Variants in CCDC18 observed in about 807,000 individuals in gnomAD.
CCDC18 encodes the protein coiled-coil domain containing 18.
Under a neutral mutation model 196.0 loss-of-function variants are expected in CCDC18, and 157 were observed. The ratio of observed to expected loss-of-function variants is 0.80; its 90% CI spans 0.70 to 0.91. The LOEUF is 0.91. Ranked by LOEUF, CCDC18 falls within the 40% of genes least tolerant of loss-of-function variation. The pLI is 0.00. For synonymous variants in CCDC18, 482 were observed against 529.2 expected (o/e 0.91, Z 1.22); for missense variants, 1,465 against 1,611.6 (o/e 0.91, Z 1.56).
chr1:93,218,166 A>G (rs561371265), intron 14 of CCDC18, among the ~76,000 whole-genome samples: 1 of 152,324 alleles, frequency 6.6e-6, no homozygotes, highest in East Asian at 1.9e-4. Flanking sequence ...AAAGCAGAAT[A>G]AGAGAAGCAC....
At chr1:93,255,823 G>C (rs1026133379) in intron 24 of CCDC18, among the ~76,000 whole-genome samples, 2 of 151,394 alleles carry the variant, frequency 1.3e-5, no homozygotes, top group Non-Finnish European at 2.9e-5. Flanking sequence ...GGGAGGAGGG[G>C]GAGGAATACT....
chr1:93,215,899 C>A (rs1656408415), intron 12 of CCDC18, among the ~76,000 whole-genome samples: 1 of 152,218 alleles, frequency 6.6e-6, no homozygotes, highest in Non-Finnish European at 1.5e-5. Flanking sequence ...ATCTTGTCTT[C>A]ATTTTCACTG....
At chr1:93,276,818 T>A (rs1345993907) in intron 28 of CCDC18, among the ~76,000 whole-genome samples, 1 of 151,892 alleles carries the variant, frequency 6.6e-6, no homozygotes, top group East Asian at 1.9e-4. Flanking sequence ...CTGTGGGTGT[T>A]TCTCGTAAGG....
At position 93,270,629 on chromosome 1, in the gene CCDC18, G is replaced by A. The variant is rs1355822922; in HGVS notation, c.4168G>A (p.Glu1390Lys). ...GCAATTAGAACAGCCTTCAACATTA[G>A]AAGAAAGCCATAAGAATCTGACTTA... ...KMQLEQPSTL[E>K]ESHKNLTYTQ... Residue 1390 changes from glutamate to lysine, a missense_variant, in exon 28 of 29, where the codon GAA (glutamate) becomes AAA (lysine). Glu to Lys is a moderately conservative substitution (Grantham distance 56). Coordinates refer to ENST00000690025, the MANE Select transcript of CCDC18 (RefSeq NM_001378204.1). 1 of 1,550,338 alleles carries A rather than the reference G, an allele frequency of 6.5e-7. No individual in the cohort carries two copies. Among genetic ancestry groups the A allele is most frequent in the Non-Finnish European group, 8.7e-7 (1 of 1,146,894 alleles).
chr1:93,265,661 A>G (rs887275096), intron 27 of CCDC18, among the ~76,000 whole-genome samples: 1 of 152,230 alleles, frequency 6.6e-6, no homozygotes, highest in Non-Finnish European at 1.5e-5. Flanking sequence ...TTAAACCAAC[A>G]GGCTTTAAAC....
rs888641202 is a variant in CCDC18 at position 93,186,209 on chromosome 1, TACTC to T, written c.304-132_304-129del. ...TGATTGTTCCACATATCCTTGTCAATACTCACTAAGTATTTTAACTCATTTTCTG... is the reference window on the plus strand; with the variant it reads ...TGATTGTTCCACATATCCTTGTCAATACTAAGTATTTTAACTCATTTTCTG... On this transcript the variant is annotated intron_variant, in intron 3 of 28. Coordinates refer to ENST00000690025, the MANE Select transcript of CCDC18 (RefSeq NM_001378204.1). 9.2e-5 allele frequency: 68 copies of T among 741,494 alleles called. No individual in the cohort carries two copies. In the African/African-American group the frequency reaches 1.1e-3, roughly 12 times the overall value. 45.9% of individuals were successfully genotyped at this position (741,494 alleles called of 1,614,324 possible).
intron 6 of CCDC18, among the ~76,000 whole-genome samples, chr1:93,197,402 A>G (rs1031951113): frequency 6.6e-6 from 1 of 152,194 alleles, no homozygotes; most frequent in African/African-American, 2.4e-5. Flanking sequence ...CCAATAACTG[A>G]ATCATTTTAA....
intron 23 of CCDC18, among the ~76,000 whole-genome samples, chr1:93,252,608 A>G (rs920569879): frequency 6.6e-6 from 1 of 152,158 alleles, no homozygotes; most frequent in African/African-American, 2.4e-5. Flanking sequence ...CCATCACTTC[A>G]GGGTTACTCT....
intron 28 of CCDC18, among the ~76,000 whole-genome samples, chr1:93,276,713 T>A (rs1251931997): frequency 6.6e-6 from 1 of 152,194 alleles, no homozygotes; most frequent in Non-Finnish European, 1.5e-5. Context: ...CATATTTTTT[T>A]AAATCCCCTG....
chr1:93,236,897 A>G (rs1284117909), intron 19 of CCDC18, among the ~76,000 whole-genome samples: 1 of 152,146 alleles, frequency 6.6e-6, no homozygotes, highest in Non-Finnish European at 1.5e-5. Context: ...ATAAAACCTA[A>G]AGATTCTGAT....
chr1:93,269,316 C>A (rs1461476605), intron 27 of CCDC18, among the ~76,000 whole-genome samples: 1 of 151,006 alleles, frequency 6.6e-6, no homozygotes, highest in Non-Finnish European at 1.5e-5. Context: ...TAAGAGAAAT[C>A]CCTAATGTAA....
At chr1:93,225,256 T>G (rs1052815720) in intron 16 of CCDC18, among the ~76,000 whole-genome samples, 1 of 152,218 alleles carries the variant, frequency 6.6e-6, no homozygotes, top group Admixed American at 6.5e-5. Flanking sequence ...TCTTAATAGA[T>G]GAGATGTGGA....
At position 93,193,653 on chromosome 1, in the gene CCDC18, G is replaced by T; in HGVS notation, c.607G>T (p.Val203Leu). Residue 203 changes from valine to leucine, a missense_variant, in exon 6 of 29, where the codon GTA becomes TTA. Coordinates refer to ENST00000690025, the MANE Select transcript of CCDC18 (RefSeq NM_001378204.1). ...ENKLEQSQKMVIEKEQSLQES... is the reference protein window; with the variant it reads ...ENKLEQSQKMLIEKEQSLQES... ...TAAGCTGGAACAGAGCCAGAAAATG[G>T]TAATTGAAAAGGAACAGAGTTTGCA... 1 of 1,593,126 alleles carries T rather than the reference G, an allele frequency of 6.3e-7. No homozygotes were observed. The highest frequency in any genetic ancestry group is 8.5e-7 in the Non-Finnish European group (1 of 1,171,356).
chr1:93,248,227 C>CT (rs1661764832), intron 23 of CCDC18, among the ~76,000 whole-genome samples: 1 of 151,628 alleles, frequency 6.6e-6, no homozygotes, highest in Non-Finnish European at 1.5e-5. Context: ...CTTGGCCAGG[C>CT]TGGTCTTGAA....
intron 5 of CCDC18, 56 bp from the exon 6 acceptor site, chr1:93,193,560 G>T: frequency 8.8e-7 from 1 of 1,142,342 alleles, no homozygotes; most frequent in East Asian, 2.8e-5. Flanking sequence ...AATTATTCTT[G>T]CATACCTGGG....
At chr1:93,246,362 T>G (rs1661495586) in intron 22 of CCDC18, among the ~76,000 whole-genome samples, 158 bp downstream of exon 22, 1 of 152,192 alleles carries the variant, frequency 6.6e-6, no homozygotes, top group Non-Finnish European at 1.5e-5. Flanking sequence ...CATCTCTCTT[T>G]ATCTTGATAT....
rs574704442 is a variant in CCDC18 at position 93,205,572 on chromosome 1, G to A, written c.858G>A (p.Arg286=). The stretch of plus-strand genomic sequence containing the variant: ...CTAACTGTGAAAAAGAAAATAAAAG[G>A]CTACAAGAAAGGTGTGGTCTATATA... ...NLTNCEKENK[R]LQERCGLYKS... is the part of the protein sequence containing the mutation. The change falls in exon 8 of 29, where the codon AGG becomes AGA. Residue 286 remains arginine (R), a synonymous_variant. Coordinates refer to ENST00000690025, the MANE Select transcript of CCDC18 (RefSeq NM_001378204.1). 15 of 1,594,352 alleles carry A rather than the reference G, an allele frequency of 9.4e-6. No homozygotes were observed. Among genetic ancestry groups the A allele is most frequent in the Non-Finnish European group, 1.3e-5 (15 of 1,165,950 alleles).
chr1:93,226,298 G>GTTTTTTTT (rs34227600), intron 16 of CCDC18, 35 bp from the exon 17 acceptor site: 69 of 590,442 alleles, frequency 1.2e-4, no homozygotes, highest in Admixed American at 1.9e-4. Context: ...ATCGTTTTGT[G>GTTTTTTTT]TTTTTTTTTT....
intron 23 of CCDC18, among the ~76,000 whole-genome samples, chr1:93,248,476 T>C (rs1661790292): frequency 6.6e-6 from 1 of 152,226 alleles, no homozygotes. Context: ...TAATGATTTG[T>C]GTATGTTGAA....
Sources: gnomAD v4.1 joint callset for allele counts (sites outside exome capture counted in the v4.1 genomes callset) on GRCh38, gnomAD v4.1.1 for gene constraint, MANE v1.5 for transcripts, NCBI Gene and HGNC (gene_info 2026-07-23, HGNC 2026-07-21) for gene names.